The following PCDH15 variants were observed in gnomAD, a reference collection of about 807,000 sequenced individuals.
PCDH15 encodes protocadherin related 15, also known as protocadherin-15.
PCDH15 carries 129 observed loss-of-function variants against 178.5 expected under a neutral mutation model. The ratio of observed to expected loss-of-function variants is 0.72; its 90% CI spans 0.63 to 0.84. The LOEUF (loss-of-function observed/expected upper bound fraction) is 0.84, where lower values mean the gene tolerates loss of function less well. Among genes scored for constraint, PCDH15 ranks in the 40% least tolerant of loss-of-function variants. The pLI is 0.00. For missense variants in PCDH15, 2,230 were observed against 2,099.9 expected (o/e 1.06, Z -1.21); for synonymous variants, 800 against 732.0 (o/e 1.09, Z -1.50).
At chr10:55,131,021 C>CTCCTT (rs950711924) in intron 2 of PCDH15, among the ~76,000 whole-genome samples, 43 of 151,928 alleles carry the variant, frequency 2.8e-4, no homozygotes, top group Admixed American at 2.6e-3. Flanking sequence ...ACACAACATC[C>CTCCTT]TCCTTTCTTG....
intron 1 of PCDH15, among the ~76,000 whole-genome samples, chr10:54,730,046 G>A (rs1437016916): frequency 1.3e-5 from 2 of 151,394 alleles, no homozygotes; most frequent in Non-Finnish European, 3.0e-5. Flanking sequence ...TCTTATTCCT[G>A]GGTATATATC....
intron 23 of PCDH15, among the ~76,000 whole-genome samples, chr10:53,953,038 G>C (rs1471216650): frequency 2.6e-5 from 4 of 152,214 alleles, no homozygotes; most frequent in African/African-American, 9.6e-5. Flanking sequence ...GAGAGCTCTG[G>C]GCTCCAGCCC....
intron 1 of PCDH15, among the ~76,000 whole-genome samples, chr10:55,247,586 T>C (rs972671219): frequency 6.6e-6 from 1 of 152,028 alleles, no homozygotes; most frequent in Non-Finnish European, 1.5e-5. Flanking sequence ...AGTGCAACTT[T>C]TTACATGTTT....
intron 2 of PCDH15, among the ~76,000 whole-genome samples, chr10:55,395,186 TGTGTGTGTGTGA>T (rs1488483282): frequency 1.1e-5 from 1 of 89,196 alleles, no homozygotes; most frequent in Non-Finnish European, 2.2e-5. Context: ...TGTGTGTGTG[TGTGTGTGTGTGA>T]GAGAGAGAGA....
chr10:55,082,738 G>A (rs985853469), intron 2 of PCDH15, among the ~76,000 whole-genome samples: 2 of 151,644 alleles, frequency 1.3e-5, no homozygotes, highest in Admixed American at 6.6e-5. Flanking sequence ...AACTGATCTG[G>A]CAGAAATTCA....
At chr10:55,070,613 G>T (rs1216793730) in intron 2 of PCDH15, among the ~76,000 whole-genome samples, 1 of 152,044 alleles carries the variant, frequency 6.6e-6, no homozygotes, top group Non-Finnish European at 1.5e-5. Context: ...ATTTCTGAGG[G>T]CTCTGTTCTG....
At chr10:54,708,496 A>C (rs1397583727) in intron 1 of PCDH15, among the ~76,000 whole-genome samples, 3 of 152,150 alleles carry the variant, frequency 2.0e-5, no homozygotes, top group Non-Finnish European at 2.9e-5. Context: ...AAATGAAGAA[A>C]ATTTTTGATT....
chr10:54,072,265 A>G (rs750338989), intron 17 of PCDH15, among the ~76,000 whole-genome samples: 1 of 152,178 alleles, frequency 6.6e-6, no homozygotes, highest in Non-Finnish European at 1.5e-5. Context: ...TACATATTCA[A>G]TAATAAGTAT....
intron 16 of PCDH15, among the ~76,000 whole-genome samples, chr10:54,082,311 G>A (rs547182025): frequency 2.4e-4 from 36 of 152,258 alleles, no homozygotes; most frequent in East Asian, 7.7e-4. Flanking sequence ...CACTTGAGGC[G>A]TATAATAGAG....
At chr10:54,085,229 A>G (rs2094497341) in intron 16 of PCDH15, among the ~76,000 whole-genome samples, 1 of 152,160 alleles carries the variant, frequency 6.6e-6, no homozygotes, top group East Asian at 1.9e-4. Flanking sequence ...TGAGCATTAC[A>G]TGTAATGTCA....
intron 1 of PCDH15, among the ~76,000 whole-genome samples, chr10:55,189,293 T>A (rs1839880763): frequency 6.6e-6 from 1 of 151,932 alleles, no homozygotes; most frequent in Non-Finnish European, 1.5e-5. Flanking sequence ...CAATAGGAAT[T>A]TTCATCTGCT....
At chr10:55,549,109 A>G (rs1841951205) in intron 2 of PCDH15, among the ~76,000 whole-genome samples, 1 of 152,252 alleles carries the variant, frequency 6.6e-6, no homozygotes, top group African/African-American at 2.4e-5. Flanking sequence ...GCTACAATTC[A>G]GTCTACTGAA....
chr10:54,744,976 C>T (rs1030497423), intron 1 of PCDH15, among the ~76,000 whole-genome samples: 3 of 151,906 alleles, frequency 2.0e-5, no homozygotes, highest in African/African-American at 7.3e-5. Flanking sequence ...GCAAAGGCCC[C>T]CCACCAGTCT....
In PCDH15 at chr10:54,356,069, TTATTAAG is replaced by T. The variant is rs1401490531; in HGVS notation, c.475-9592_475-9586del. ...GTTCCCCACAATATAGCTTTAATAC[TTATTAAG>T]TATTAAGTACAAAATTACTGGTAAA... On this transcript the variant is annotated intron_variant, in intron 5 of 37. Coordinates refer to ENST00000644397, the MANE Select transcript of PCDH15 (RefSeq NM_001384140.1). Among the ~76,000 whole-genome samples, 7 of 152,138 alleles carry T rather than the reference TTATTAAG, an allele frequency of 4.6e-5. 1 individual carries two copies. The highest frequency in any genetic ancestry group is 2.0e-4 in the Admixed American group (3 of 15,262).
intron 2 of PCDH15, among the ~76,000 whole-genome samples, chr10:55,077,429 TCCTTCCTTTC>T (rs1841929321): frequency 6.7e-6 from 1 of 149,378 alleles, no homozygotes; most frequent in Non-Finnish European, 1.5e-5. Flanking sequence ...CTTCCTTCCT[TCCTTCCTTTC>T]TTCCTTCCTT....
At position 55,356,158 on chromosome 10, in the gene PCDH15, A is replaced by G. The variant is rs548073834; in HGVS notation, c.-155-189507T>C. ...AACTGCAAATTGCTGCCCTGTGTTC[A>G]GCCCTTTTTTTGTTAATTTCTCAAC... On this transcript the variant is annotated intron_variant, in intron 2 of 5. Transcript: ENST00000613346. Among the ~76,000 whole-genome samples the G allele has an allele frequency of 5.3e-5, 8 of 152,044 alleles. No individual in the cohort carries two copies. In the South Asian group the frequency reaches 1.2e-3, roughly 24 times the overall value.
chr10:54,561,967 C>T (rs998380840), intron 2 of PCDH15, among the ~76,000 whole-genome samples: 2 of 148,016 alleles, frequency 1.4e-5, no homozygotes, highest in African/African-American at 5.0e-5. Flanking sequence ...CAGGCATGAG[C>T]CACCGCACCC....
At chr10:55,121,051 C>T (rs949331157) in intron 2 of PCDH15, among the ~76,000 whole-genome samples, 13 of 152,092 alleles carry the variant, frequency 8.5e-5, no homozygotes, top group Non-Finnish European at 1.6e-4. Context: ...GCAACAGCAG[C>T]CTGGGAGAGC....
chr10:55,525,133 G>A (rs1841275098), intron 2 of PCDH15, among the ~76,000 whole-genome samples: 1 of 151,782 alleles, frequency 6.6e-6, no homozygotes, highest in Non-Finnish European at 1.5e-5. Context: ...GAAATGTAGA[G>A]TAGGTTGATC....
Sources: gnomAD v4.1 joint callset for allele counts (sites outside exome capture counted in the v4.1 genomes callset) on GRCh38, gnomAD v4.1.1 for gene constraint, MANE v1.5 for transcripts, NCBI Gene and HGNC (gene_info 2026-07-23, HGNC 2026-07-21) for gene names.